ATP8B4: variants seen among roughly 807,000 people sequenced by gnomAD.
ATP8B4 encodes ATPase phospholipid transporting 8B4 (putative).
ATP8B4 carries 133 observed loss-of-function variants against 145.6 expected under a neutral mutation model. The observed-to-expected ratio is 0.91, with a 90% confidence interval of 0.79 to 1.05. The LOEUF (loss-of-function observed/expected upper bound fraction) is 1.05. Ranked by LOEUF, ATP8B4 falls within the 50% of genes least tolerant of loss-of-function variation. The pLI is 0.00. For missense variants in ATP8B4, 1,458 were observed against 1,425.2 expected, an observed-to-expected ratio of 1.02 and a Z score of -0.37; for synonymous variants, 507 against 492.9, an observed-to-expected ratio of 1.03 and a Z score of -0.38.
chr15:49,963,363 A>C (rs1401985010), intron 13 of ATP8B4, among the ~76,000 whole-genome samples: 1 of 152,214 alleles, frequency 6.6e-6, no homozygotes, highest in Non-Finnish European at 1.5e-5. Context: ...GCGATTCCTC[A>C]AGGACCTAAA....
chr15:50,147,081 G>C (rs11070753), intron 1 of ATP8B4, among the ~76,000 whole-genome samples: 35,189 of 152,086 alleles, frequency 0.23, 4,688 homozygotes, highest in East Asian at 0.41. Context: ...TTGGTGTTGG[G>C]TTACGAAGTT....
chr15:50,124,221 C>T (rs181331580), upstream of ATP8B4, among the ~76,000 whole-genome samples: 224 of 152,176 alleles, frequency 1.5e-3, 2 homozygotes, highest in African/African-American at 5.2e-3. Context: ...TGTATTGGGC[C>T]GAAGTTCACC....
intron 6 of ATP8B4, among the ~76,000 whole-genome samples, chr15:50,019,259 C>A (rs1043028777): frequency 1.3e-5 from 2 of 152,170 alleles, no homozygotes; most frequent in African/African-American, 2.4e-5. Flanking sequence ...TGTTGTAGAA[C>A]TGGAAAACAT....
intron 1 of ATP8B4, among the ~76,000 whole-genome samples, chr15:50,176,603 G>A (rs2044766286): frequency 6.6e-6 from 1 of 152,082 alleles, no homozygotes; most frequent in Non-Finnish European, 1.5e-5. Context: ...GACTGGGATG[G>A]AGAGTATGTG....
chr15:50,021,864 AG>A (rs1265990103), intron 6 of ATP8B4, among the ~76,000 whole-genome samples: 2 of 152,200 alleles, frequency 1.3e-5, no homozygotes, highest in African/African-American at 4.8e-5. Flanking sequence ...ATATTTGAAC[AG>A]ATTAGCTATT....
At position 49,994,798 on chromosome 15, in the gene ATP8B4, G is replaced by A. The variant is rs114896695; in HGVS notation, c.589+1879C>T. Among the ~76,000 whole-genome samples the A allele has an allele frequency of 4.5e-3, 688 of 152,192 alleles. 3 individuals are homozygous for A. The highest frequency in any genetic ancestry group is 0.016 in the African/African-American group (662 of 41,540). ...TACATGGCCACGATTCTTGAAGGGT[G>A]TGGTAGAGACAGTTAATGCTCAACA... On this transcript the variant is annotated intron_variant, in intron 9 of 27. Transcript: ENST00000284509.
intron 20 of ATP8B4, among the ~76,000 whole-genome samples, chr15:49,903,894 CAA>C (rs11287026): frequency 1.7e-4 from 21 of 124,394 alleles, no homozygotes; most frequent in South Asian, 2.6e-4. Flanking sequence ...AACTCCGTCT[CAA>C]AAAAAAAAAA....
intron 27 of ATP8B4, among the ~76,000 whole-genome samples, chr15:49,861,496 ACCT>A (rs2031803333): frequency 6.7e-6 from 1 of 149,372 alleles, no homozygotes; most frequent in Admixed American, 6.7e-5. Context: ...CTACCTACCT[ACCT>A]ACCTCAGTCT....
intron 2 of ATP8B4, among the ~76,000 whole-genome samples, chr15:50,104,846 C>T (rs1196124812): frequency 8.9e-6 from 1 of 112,820 alleles, no homozygotes; most frequent in Admixed American, 9.5e-5. Flanking sequence ...AATCAACGAG[C>T]AAATAAAGAA....
At chr15:49,925,540 T>C (rs892833170) in intron 16 of ATP8B4, among the ~76,000 whole-genome samples, 2 of 152,206 alleles carry the variant, frequency 1.3e-5, no homozygotes, top group Non-Finnish European at 2.9e-5. Flanking sequence ...TTAGAATCAC[T>C]GGTCTGGAAG....
chr15:49,964,869 T>G (rs1389133369), intron 13 of ATP8B4, among the ~76,000 whole-genome samples: 1 of 152,186 alleles, frequency 6.6e-6, no homozygotes, highest in African/African-American at 2.4e-5. Context: ...TAGAAGTGAT[T>G]GTATTATTAG....
chr15:49,917,315 TC>T (rs2039843635), intron 19 of ATP8B4: 1 of 364,548 alleles, frequency 2.7e-6, no homozygotes, highest in Non-Finnish European at 4.9e-6. Context: ...ACCTTTTCAT[TC>T]CCAAATTAGC....
intron 20 of ATP8B4, among the ~76,000 whole-genome samples, chr15:49,912,508 T>TG (rs1269468589): frequency 6.6e-6 from 1 of 152,086 alleles, no homozygotes; most frequent in Non-Finnish European, 1.5e-5. Context: ...AAGCCAATAA[T>TG]GAGATTGAGT....
chr15:49,873,426 C>T (rs189703313), intron 25 of ATP8B4, among the ~76,000 whole-genome samples: 16 of 152,018 alleles, frequency 1.1e-4, no homozygotes, highest in Admixed American at 7.9e-4. Context: ...CATATTCATA[C>T]GGTGGAATAC....
In ATP8B4 at chr15:49,866,578, G is replaced by GGAA. The variant is rs765751682; in HGVS notation, c.3028-97_3028-95dup. The GGAA allele has an allele frequency of 1.7e-5, 26 of 1,490,560 alleles. No homozygotes were observed. The East Asian group carries it at 2.7e-4, about 16-fold the overall frequency. The allele number at this position is 1,490,560 out of a possible 1,614,324, so 92.3% of individuals were successfully genotyped here. A position where few individuals can be genotyped will look rare whatever the true frequency, so the allele number is the denominator to read the frequency against. On this transcript the variant is annotated intron_variant, in intron 25 of 27. Transcript: ENST00000284509. ...GTTTCGCGAGAACTGCCCTGTGGCA[G>GGAA]GAAGTTTGCACCTGCCTAGTTGCCA... is the stretch of plus-strand genomic sequence containing the variant.
At chr15:50,169,031 C>T (rs1464051318) in intron 1 of ATP8B4, among the ~76,000 whole-genome samples, 2 of 152,204 alleles carry the variant, frequency 1.3e-5, no homozygotes, top group African/African-American at 4.8e-5. Context: ...GCAAGACCCG[C>T]CCAAGGAGAG....
rs1376438890 is a variant in ATP8B4 at position 49,905,957 on chromosome 15, T to TAC, written c.2142-4719_2142-4718insGT. On this transcript the variant is annotated intron_variant, in intron 20 of 27. Transcript: ENST00000284509. ...TTATACATATATGTACCTACATATA[T>TAC]ATACACACACACACACACATGCACA... 2.1e-4 allele frequency among the ~76,000 whole-genome samples: 31 copies of TAC among 149,304 alleles called. 1 individual carries two copies. Among genetic ancestry groups the TAC allele is most frequent in the Admixed American group, 7.9e-4 (12 of 15,252 alleles).
At chr15:50,169,627 C>T (rs2044642884) in intron 1 of ATP8B4, among the ~76,000 whole-genome samples, 1 of 152,308 alleles carries the variant, frequency 6.6e-6, no homozygotes. Flanking sequence ...GGCTCGTCAA[C>T]ATCCCCAAAA....
chr15:49,862,143 C>G (rs2031940167), intron 27 of ATP8B4, 102 bp downstream of exon 27: 1 of 1,420,092 alleles, frequency 7.0e-7, no homozygotes, highest in Admixed American at 2.1e-5. Context: ...TTGCTTGTGA[C>G]AATTTCATTA....
Sources: allele counts gnomAD v4.1 joint callset (sites outside exome capture counted in the v4.1 genomes callset), GRCh38; gene constraint gnomAD v4.1.1; transcripts MANE v1.5; gene names NCBI Gene and HGNC (gene_info 2026-07-23, HGNC 2026-07-21).